The following WASHC2A variants were observed in gnomAD, a reference collection of about 807,000 sequenced individuals.
The protein encoded by WASHC2A is WASH complex subunit FAM21A.
Under a neutral mutation model 140.3 loss-of-function variants are expected in WASHC2A, and 82 were observed. That is an observed-to-expected ratio of 0.58 (90% CI 0.49 to 0.70). WASHC2A has a LOEUF of 0.70. Ranked by LOEUF, WASHC2A falls within the 30% of genes least tolerant of loss-of-function variation. The pLI is 0.00. For missense variants in WASHC2A, 985 were observed against 1,521.8 expected (o/e 0.65, Z 5.87); for synonymous variants, 340 against 560.8 (o/e 0.61, Z 5.56).
chr10:50,072,656 T>A (rs1314764685), intron 3 of WASHC2A, among the ~76,000 whole-genome samples: 1 of 151,742 alleles, frequency 6.6e-6, no homozygotes, highest in Non-Finnish European at 1.5e-5. Context: ...CTGGCTAATT[T>A]TTTTTGCATT....
chr10:50,090,515 A>AAAAAAAATATATATAT (rs1214596899), intron 8 of WASHC2A, among the ~76,000 whole-genome samples: 1 of 108,766 alleles, frequency 9.2e-6, no homozygotes, highest in African/African-American at 3.3e-5. Flanking sequence ...AAAAAAAAAA[A>AAAAAAAATATATATAT]ATATATATAT....
chr10:50,069,353 G>A (rs1270015875), intron 2 of WASHC2A, among the ~76,000 whole-genome samples, 194 bp from the exon 3 acceptor site: 5 of 151,840 alleles, frequency 3.3e-5, no homozygotes, highest in African/African-American at 1.2e-4. Context: ...TTGAACGCGG[G>A]AGGTGCAGTG....
At position 50,068,205 on chromosome 10, in the gene WASHC2A, G is replaced by C. The variant is rs1554874860; in HGVS notation, c.104G>C (p.Trp35Ser). 2 of 1,587,896 alleles carry C rather than the reference G, an allele frequency of 1.3e-6. No individual in the cohort carries two copies. Among genetic ancestry groups the C allele is most frequent in the South Asian group, 2.2e-5 (2 of 89,298 alleles). The change falls in exon 2 of 31, where the codon TGG (tryptophan) becomes TCG (serine). Residue 35 changes from tryptophan to serine, a missense_variant. By Grantham distance (177) the Trp-to-Ser change is radical. Transcript: ENST00000282633. ...VEEIRRSSQS[W>S]SLAADAGLLQ... ...GAGATCCGCAGGAGCAGCCAGAGCT[G>C]GTCGCTGGCGGCCGACGCGGGCGTG...
chr10:50,084,265 C>T (rs1478100764), intron 6 of WASHC2A, 100 bp downstream of exon 6: 1 of 1,161,698 alleles, frequency 8.6e-7, no homozygotes, highest in South Asian at 1.5e-5. Flanking sequence ...GTTCAAAGAA[C>T]TCTCATATAC....
chr10:50,091,551 G>T, intron 10 of WASHC2A, 33 bp downstream of exon 10: 2 of 1,549,440 alleles, frequency 1.3e-6, no homozygotes, highest in Non-Finnish European at 1.7e-6. Context: ...GGGAGTAGGG[G>T]GGGAGTAGTG....
chr10:50,079,218 G>C (rs1838662318), intron 4 of WASHC2A, among the ~76,000 whole-genome samples: 1 of 150,900 alleles, frequency 6.6e-6, no homozygotes, highest in Admixed American at 6.6e-5. Flanking sequence ...GAGTAGCTTT[G>C]ATTTTGTTCT....
chr10:50,125,578 T>G, intron 25 of WASHC2A, 129 bp downstream of exon 25: 1 of 1,596,370 alleles, frequency 6.3e-7, no homozygotes, highest in Non-Finnish European at 8.6e-7. Flanking sequence ...GAATGGCAAA[T>G]AACATGCTGA....
At chr10:50,071,674 C>A (rs1292566643) in intron 3 of WASHC2A, among the ~76,000 whole-genome samples, 2 of 149,210 alleles carry the variant, frequency 1.3e-5, no homozygotes, top group East Asian at 1.9e-4. Flanking sequence ...ATCAATACTT[C>A]AGTGGGAAGA....
intron 7 of WASHC2A, among the ~76,000 whole-genome samples, chr10:50,085,986 T>TA (rs1222550814): frequency 1.3e-5 from 2 of 149,468 alleles, no homozygotes; most frequent in African/African-American, 4.9e-5. Flanking sequence ...AGCCACCACT[T>TA]ACATTCTATT....
intron 25 of WASHC2A, among the ~76,000 whole-genome samples, chr10:50,125,794 T>G (rs1843374642): frequency 6.6e-6 from 1 of 152,122 alleles, no homozygotes; most frequent in Admixed American, 6.5e-5. Context: ...TGAGTCTGAG[T>G]TTTAGCCTTT....
chr10:50,088,136 C>T (rs1406626608), intron 8 of WASHC2A, among the ~76,000 whole-genome samples: 1 of 151,490 alleles, frequency 6.6e-6, no homozygotes, highest in African/African-American at 2.4e-5. Flanking sequence ...TTTGAATAGC[C>T]TTTGCAGTTT....
chr10:50,092,532 C>T (rs1462106005), intron 11 of WASHC2A, among the ~76,000 whole-genome samples: 6 of 151,998 alleles, frequency 3.9e-5, no homozygotes, highest in Admixed American at 2.0e-4. Flanking sequence ...TGGTGGGTGC[C>T]TGTTGTCCCA....
chr10:50,106,385 G>C lies in WASHC2A; in HGVS notation c.1789G>C (p.Ala597Pro), dbSNP rs1346943844. The part of the protein sequence containing the change: ...AAKKQTLCLQ[A>P]QREEKAKASE... ...TAAGAAGCAGACATTGTGTCTACAA[G>C]CTCAGAGAGAAGAGAAAGCAAAAGC... Residue 597 changes from alanine to proline, a missense_variant, in exon 19 of 31, where the codon GCT becomes CCT. By Grantham distance (27) the Ala-to-Pro change is conservative. Coordinates refer to ENST00000282633, the MANE Select transcript of WASHC2A (RefSeq NM_001005751.3). 10 of 1,611,862 alleles carry C rather than the reference G, an allele frequency of 6.2e-6. No individual in the cohort carries two copies. The highest frequency in any genetic ancestry group is 1.3e-5 in the African/African-American group (1 of 74,842).
In WASHC2A at chr10:50,068,313, A is replaced by G. The variant is rs2132280767; in HGVS notation, c.126+86A>G. 3.7e-6 allele frequency: 5 copies of G among 1,347,804 alleles called. No individual in the cohort carries two copies. In the South Asian group the frequency reaches 7.3e-5, roughly 20 times the overall value. 83.5% of individuals were successfully genotyped at this position (1,347,804 alleles called of 1,614,324 possible). A position where few individuals can be genotyped will look rare whatever the true frequency, so the allele number is the denominator to read the frequency against. On this transcript the variant is annotated intron_variant, in intron 2 of 30. Coordinates refer to ENST00000282633, the MANE Select transcript of WASHC2A (RefSeq NM_001005751.3). ...AGGGCCGGACCGCGACTGCCCCTGC[A>G]CCTGGCCCGTCCCGTTGCCTGCCCT... is the stretch of plus-strand genomic sequence containing the variant.
chr10:50,097,900 A>G (rs1840647068), intron 16 of WASHC2A, 98 bp downstream of exon 16: 5 of 1,577,900 alleles, frequency 3.2e-6, no homozygotes, highest in African/African-American at 1.4e-5. Context: ...TTTCACGTTC[A>G]TATTGAAGAA....
rs1843513805 is a variant in WASHC2A at position 50,127,236 on chromosome 10, T to C, written c.2874+14T>C. 4.3e-6 allele frequency: 7 copies of C among 1,612,044 alleles called. No individual in the cohort carries two copies. Among genetic ancestry groups the C allele is most frequent in the Non-Finnish European group, 5.1e-6 (6 of 1,179,856 alleles). ...GGGAAGATACAAGTAATTAAAACAC[T>C]GGAATCTTCATTGCCTGCCCTGTGG... On this transcript the variant is annotated intron_variant, in intron 27 of 30. Transcript: ENST00000282633.
chr10:50,126,424 T>C (rs1308144745), intron 26 of WASHC2A: 3 of 379,060 alleles, frequency 7.9e-6, no homozygotes, highest in Non-Finnish European at 1.5e-5. Context: ...GATTTAACTC[T>C]GAAGTGGAGT....
Position 50,084,738 on chromosome 10 carries a change from T to C in WASHC2A, c.622+573T>C, listed in dbSNP as rs1839237331. Reference sequence around the variant, plus strand: ...GCCACCGTGCCCGGCTGTTTTTCTTTCTTTCTTTCTTTTTGAGCCGGAGTT... The same window carrying C: ...GCCACCGTGCCCGGCTGTTTTTCTTCCTTTCTTTCTTTTTGAGCCGGAGTT... On this transcript the variant is annotated intron_variant, in intron 6 of 30. Transcript: ENST00000282633. Among the ~76,000 whole-genome samples the C allele has an allele frequency of 2.9e-5, 4 of 140,232 alleles. 1 individual carries two copies. Among genetic ancestry groups the C allele is most frequent in the Admixed American group, 2.8e-4 (4 of 14,068 alleles). 92.0% of individuals were successfully genotyped at this position (140,232 alleles called of 152,430 possible).
At chr10:50,110,300 C>T (rs1220362084) in intron 20 of WASHC2A, 30 bp downstream of exon 20, 3 of 1,607,082 alleles carry the variant, frequency 1.9e-6, no homozygotes, top group Admixed American at 1.7e-5. Context: ...GAGTCCCTCA[C>T]TCCGTTACCG....
Sources: gnomAD v4.1 joint callset for allele counts (sites outside exome capture counted in the v4.1 genomes callset) on GRCh38, gnomAD v4.1.1 for gene constraint, MANE v1.5 for transcripts, NCBI Gene and HGNC (gene_info 2026-07-23, HGNC 2026-07-21) for gene names.